The following SNX7 variants were observed in gnomAD, a reference collection of about 807,000 sequenced individuals.
The protein encoded by SNX7 is sorting nexin-7.
In SNX7, 35 loss-of-function variants were observed where a neutral mutation model predicts 48.4. That is an observed-to-expected ratio of 0.72 (90% CI 0.55 to 0.96). The LOEUF is 0.96. SNX7 is among the 40% of genes least tolerant of loss of function. SNX7 has a pLI of 0.00. For missense variants in SNX7, 553 were observed against 548.9 expected, an observed-to-expected ratio of 1.01 and a Z score of -0.07; for synonymous variants, 190 against 190.2, an observed-to-expected ratio of 1.00 and a Z score of 0.01.
At chr1:98,695,040 G>T (rs1203891249) in intron 4 of SNX7, among the ~76,000 whole-genome samples, 1 of 152,100 alleles carries the variant, frequency 6.6e-6, no homozygotes, top group Non-Finnish European at 1.5e-5. Context: ...ATAGTGCCCA[G>T]AATGTATTAA....
chr1:98,740,047 A>G (rs1014322711), intron 8 of SNX7, among the ~76,000 whole-genome samples: 22 of 152,154 alleles, frequency 1.4e-4, no homozygotes, highest in Admixed American at 1.4e-3. Context: ...TTAGTGGGCT[A>G]GAGATTATGG....
intron 5 of SNX7, among the ~76,000 whole-genome samples, chr1:98,696,582 T>C (rs1651472256): frequency 6.6e-6 from 1 of 152,088 alleles, no homozygotes; most frequent in South Asian, 2.1e-4. Context: ...TAAAAAGAGA[T>C]ATAGAAAAAA....
intron 5 of SNX7, among the ~76,000 whole-genome samples, chr1:98,696,439 C>A (rs1479060901): frequency 6.6e-6 from 1 of 151,772 alleles, no homozygotes; most frequent in African/African-American, 2.4e-5. Context: ...TATCTTATTT[C>A]TAGTATCCGG....
At chr1:98,741,552 A>G (rs2101039836) in intron 8 of SNX7, among the ~76,000 whole-genome samples, 1 of 152,300 alleles carries the variant, frequency 6.6e-6, no homozygotes, top group East Asian at 1.9e-4. Flanking sequence ...TGTATGACCA[A>G]TAATTAAGGA....
chr1:98,672,590 G>A (rs571162689), intron 1 of SNX7, among the ~76,000 whole-genome samples: 1 of 151,662 alleles, frequency 6.6e-6, no homozygotes, highest in Non-Finnish European at 1.5e-5. Flanking sequence ...TTTTAGAATA[G>A]AGTATTAAAT....
rs1225260123 is a variant in SNX7 at position 98,691,676 on chromosome 1, A to AT, written c.621dup (p.Leu208SerfsTer37). ...TTTAACATTTAATGAAGACTTCAAA[A>AT]TTTTTCTCACTGCACAAGCTTGGGT... On this transcript the variant is annotated frameshift_variant, in exon 4 of 9. Transcript: ENST00000306121. LOFTEE classifies it high-confidence loss of function. The AT allele has an allele frequency of 1.2e-6, 2 of 1,606,222 alleles. No homozygotes were observed. The highest frequency in any genetic ancestry group is 1.7e-6 in the Non-Finnish European group (2 of 1,176,488).
intron 8 of SNX7, among the ~76,000 whole-genome samples, chr1:98,742,999 T>C (rs1315374942): frequency 6.6e-6 from 1 of 151,958 alleles, no homozygotes; most frequent in African/African-American, 2.4e-5. Context: ...GTTAAACATT[T>C]GTTTTTTTTC....
intron 1 of SNX7, among the ~76,000 whole-genome samples, chr1:98,670,752 A>G (rs188374370): frequency 1.3e-5 from 2 of 152,314 alleles, no homozygotes; most frequent in African/African-American, 4.8e-5. Context: ...TGTCCCCATC[A>G]TTAAATGACA....
At chr1:98,756,413 G>T (rs1654850733) in intron 8 of SNX7, among the ~76,000 whole-genome samples, 9 of 103,244 alleles carry the variant, frequency 8.7e-5, no homozygotes, top group Admixed American at 3.9e-4. Flanking sequence ...TTTTTTTTCT[G>T]CCAGATGAGT....
intron 8 of SNX7, among the ~76,000 whole-genome samples, chr1:98,746,280 T>C (rs1654305802): frequency 6.6e-6 from 1 of 152,180 alleles, no homozygotes; most frequent in East Asian, 1.9e-4. Context: ...GCATAGTTCT[T>C]TGGGTCTCGA....
chr1:98,738,157 T>C lies in SNX7; in HGVS notation c.1126-80T>C, dbSNP rs376836972. 8.5e-4 allele frequency: 1,231 copies of C among 1,452,904 alleles called. 21 individuals carry two copies. In the South Asian group the frequency reaches 0.015, roughly 18 times the overall value. The allele number at this position is 1,452,904 out of a possible 1,614,324, so 90.0% of individuals were successfully genotyped here. On this transcript the variant is annotated intron_variant, in intron 7 of 8. Coordinates refer to ENST00000306121, the MANE Select transcript of SNX7 (RefSeq NM_015976.5). ...GTTATATTTAGGCTGTTTTGGTATT[T>C]TGTTCAACTTAAATTTGATGAATTC...
At chr1:98,675,533 A>T (rs982475510) in intron 1 of SNX7, among the ~76,000 whole-genome samples, 1 of 152,168 alleles carries the variant, frequency 6.6e-6, no homozygotes, top group Admixed American at 6.5e-5. Context: ...CCACAAAAGG[A>T]TGCATTTCAA....
chr1:98,661,872 T>A lies in SNX7; in HGVS notation c.141T>A (p.Asp47Glu). Residue 47 changes from aspartate (D) to glutamate (E), a missense_variant, in exon 1 of 9, where the codon GAT becomes GAA. Physicochemically the swap from Asp to Glu is conservative, Grantham distance 45. Transcript: ENST00000306121. The stretch of plus-strand genomic sequence containing the variant: ...CCCTGCTGCAGGCGGAGGTGCTGGA[T>A]CTGGACGAGGACGAGGACGACCTGG... ...SSALLQAEVL[D>E]LDEDEDDLEV... 1 of 1,246,224 alleles carries A rather than the reference T, an allele frequency of 8.0e-7. No homozygotes were observed. The highest frequency in any genetic ancestry group is 1.0e-6 in the Non-Finnish European group (1 of 987,146). The allele number at this position is 1,246,224 out of a possible 1,614,324, so 77.2% of individuals were successfully genotyped here. A position where few individuals can be genotyped will look rare whatever the true frequency, so the allele number is the denominator to read the frequency against.
rs554085111 is a variant in SNX7 at position 98,669,598 on chromosome 1, T to C, written c.180+7687T>C. On this transcript the variant is annotated intron_variant, in intron 1 of 8. Transcript: ENST00000306121. Reference sequence around the variant, plus strand: ...AAATGCAGTCTCAGACCCCAGTGAATTGGAATCTGATTTAAACAGGATTTG... The same window carrying C: ...AAATGCAGTCTCAGACCCCAGTGAACTGGAATCTGATTTAAACAGGATTTG... 2.2e-3 allele frequency among the ~76,000 whole-genome samples: 338 copies of C among 152,214 alleles called. 2 individuals are homozygous for C. The highest frequency in any genetic ancestry group is 2.4e-3 in the Non-Finnish European group (161 of 68,036).
chr1:98,699,282 A>G (rs1651632620), intron 6 of SNX7, among the ~76,000 whole-genome samples: 1 of 152,156 alleles, frequency 6.6e-6, no homozygotes. Context: ...CATTTGATTT[A>G]GCAATATATT....
At chr1:98,709,488 TAACTC>T (rs781239775) in intron 7 of SNX7, among the ~76,000 whole-genome samples, 5 of 152,186 alleles carry the variant, frequency 3.3e-5, no homozygotes, top group African/African-American at 7.2e-5. Flanking sequence ...GGAATTATTT[TAACTC>T]AACTCACTCG....
At chr1:98,718,961 A>G (rs1652726499) in intron 7 of SNX7, among the ~76,000 whole-genome samples, 1 of 151,998 alleles carries the variant, frequency 6.6e-6, no homozygotes, top group South Asian at 2.1e-4. Flanking sequence ...TTTATTTCTG[A>G]TATTTTGTGA....
At chr1:98,755,954 G>C (rs951061361) in intron 8 of SNX7, among the ~76,000 whole-genome samples, 13 of 151,810 alleles carry the variant, frequency 8.6e-5, no homozygotes, top group African/African-American at 2.9e-4. Flanking sequence ...CTTTTATCTT[G>C]CTGTGTTTTA....
intron 1 of SNX7, among the ~76,000 whole-genome samples, chr1:98,668,216 A>C (rs547950803): frequency 6.6e-6 from 1 of 152,322 alleles, no homozygotes; most frequent in South Asian, 2.1e-4. Flanking sequence ...TTATGTGCAA[A>C]CATTCCTAGT....
Sources: gnomAD v4.1 joint callset for allele counts (sites outside exome capture counted in the v4.1 genomes callset) on GRCh38, gnomAD v4.1.1 for gene constraint, MANE v1.5 for transcripts, NCBI Gene and HGNC (gene_info 2026-07-23, HGNC 2026-07-21) for gene names.